IL4R: variants seen among roughly 807,000 people sequenced by gnomAD.
IL4R encodes the protein interleukin 4 receptor, also known as interleukin-4 receptor subunit alpha.
IL4R carries 17 observed loss-of-function variants against 41.5 expected under a neutral mutation model. The ratio of observed to expected loss-of-function variants is 0.41; its 90% CI spans 0.28 to 0.61. The LOEUF (loss-of-function observed/expected upper bound fraction) is 0.61, where lower values mean the gene tolerates loss of function less well. Among genes scored for constraint, IL4R ranks in the 20% least tolerant of loss-of-function variants. The pLI, the probability that IL4R is intolerant of heterozygous loss-of-function variation, is 0.31. For missense variants in IL4R, 974 were observed against 1,043.1 expected, an observed-to-expected ratio of 0.93 and a Z score of 0.91; for synonymous variants, 402 against 422.9, an observed-to-expected ratio of 0.95 and a Z score of 0.61.
intron 4 of IL4R, 149 bp downstream of exon 4, chr16:27,342,408 T>TAACA: frequency 1.1e-6 from 1 of 917,114 alleles, no homozygotes; most frequent in Non-Finnish European, 1.7e-6. Flanking sequence ...AGGTCCCATC[T>TAACA]CCAGGGACAT....
At chr16:27,322,627 T>A (rs2084846547) in intron 1 of IL4R, among the ~76,000 whole-genome samples, 1 of 152,114 alleles carries the variant, frequency 6.6e-6, no homozygotes, top group African/African-American at 2.4e-5. Context: ...GGAGAATCAC[T>A]TGAGACCAGG....
chr16:27,347,853 C>T (rs2085706344), intron 6 of IL4R, among the ~76,000 whole-genome samples: 1 of 152,280 alleles, frequency 6.6e-6, no homozygotes, highest in Non-Finnish European at 1.5e-5. Flanking sequence ...CACCCGCCCA[C>T]AGGGCTATGA....
intron 1 of IL4R, among the ~76,000 whole-genome samples, chr16:27,315,033 T>A (rs1340793811): frequency 2.0e-5 from 3 of 152,160 alleles, no homozygotes; most frequent in East Asian, 3.9e-4. Flanking sequence ...ACCACTAGTT[T>A]GTCTGCTTCT....
rs551050083 is a variant in IL4R, at chr16:27,364,141, G to A, written c.*311G>A. On this transcript the variant is annotated 3_prime_UTR_variant, in exon 11 of 11. Transcript: ENST00000395762. The stretch of plus-strand genomic sequence containing the variant: ...TCGACTTGTGAACGAGTTGTTGGCT[G>A]CTCCCTCCACAGCTTCTGCAGCAGA... 27 of 334,930 alleles carry A rather than the reference G, an allele frequency of 8.1e-5. 1 individual carries two copies. The South Asian group carries it at 1.6e-3, about 19-fold the overall frequency. 20.7% of individuals were successfully genotyped at this position (334,930 alleles called of 1,614,324 possible).
intron 1 of IL4R, among the ~76,000 whole-genome samples, chr16:27,328,420 T>A (rs928864594): frequency 6.6e-6 from 1 of 151,748 alleles, no homozygotes; most frequent in Non-Finnish European, 1.5e-5. Flanking sequence ...CCCGGCTAAT[T>A]TTTGTATTTT....
intron 1 of IL4R, chr16:27,315,443 C>G (rs2084614822): frequency 6.6e-6 from 1 of 152,474 alleles, no homozygotes. Context: ...TGCAGGAAGA[C>G]AGACGTGAGG....
chr16:27,344,905 G>A lies in IL4R; in HGVS notation c.246G>A (p.Ala82=), dbSNP rs755176173. Reference sequence around the variant, plus strand: ...GTATCCCTGAGAACAACGGAGGCGCGGGGTGCGTGTGCCACCTGCTCATGG... The same window carrying A: ...GTATCCCTGAGAACAACGGAGGCGCAGGGTGCGTGTGCCACCTGCTCATGG... ...HTCIPENNGG[A]GCVCHLLMDD... The change falls in exon 5 of 11, where the codon GCG becomes GCA. Residue 82 remains alanine, a synonymous_variant. Transcript: ENST00000395762. 72 of 1,614,062 alleles carry A rather than the reference G, an allele frequency of 4.5e-5. No homozygotes were observed. The highest frequency in any genetic ancestry group is 8.9e-5 in the East Asian group (4 of 44,906).
At chr16:27,351,128 A>G (rs3024599) in intron 6 of IL4R, among the ~76,000 whole-genome samples, 2,528 of 152,260 alleles carry the variant, frequency 0.017, 76 homozygotes, top group African/African-American at 0.057. Context: ...CTGAGGCTCA[A>G]TTGGGGAAGG....
At chr16:27,355,582 G>T in intron 7 of IL4R, 1 of 499,356 alleles carries the variant, frequency 2.0e-6, no homozygotes. Flanking sequence ...AGATCTGGAG[G>T]TGGCACTGAG....
chr16:27,353,519 AAAT>A (rs1271713946), intron 7 of IL4R, among the ~76,000 whole-genome samples: 2 of 152,188 alleles, frequency 1.3e-5, no homozygotes, highest in African/African-American at 4.8e-5. Context: ...AGATAAGCAT[AAAT>A]AATACTTTAT....
chr16:27,326,087 G>A (rs994992601), intron 1 of IL4R, among the ~76,000 whole-genome samples: 1 of 152,088 alleles, frequency 6.6e-6, no homozygotes, highest in Non-Finnish European at 1.5e-5. Context: ...GCAGCCTGGT[G>A]TGAGCCCTGG....
chr16:27,339,457 C>A (rs990530745), intron 2 of IL4R, among the ~76,000 whole-genome samples: 4 of 152,072 alleles, frequency 2.6e-5, no homozygotes, highest in South Asian at 2.1e-4. Flanking sequence ...TCATTTAATC[C>A]CCACAACACC....
intron 6 of IL4R, among the ~76,000 whole-genome samples, chr16:27,347,266 C>T (rs2085683461): frequency 6.6e-6 from 1 of 152,232 alleles, no homozygotes; most frequent in Non-Finnish European, 1.5e-5. Context: ...TCTTGGCTCA[C>T]TGCAACCTCC....
At chr16:27,318,092 C>CAGTTA (rs2084698866) in intron 1 of IL4R, among the ~76,000 whole-genome samples, 7 of 152,278 alleles carry the variant, frequency 4.6e-5, no homozygotes, top group African/African-American at 1.7e-4. Flanking sequence ...TCCACGATTT[C>CAGTTA]TGAAAACCGA....
Position 27,359,882 on chromosome 16 carries a change from C to A in IL4R, c.850-884C>A. On this transcript the variant is annotated intron_variant, in intron 9 of 10. Coordinates refer to ENST00000395762, the MANE Select transcript of IL4R (RefSeq NM_000418.4). ...TTACAACAACTTTATTTAGCTTATG[C>A]TTCTGCAGGCTGGCATTTGGGGCTG... 1.1e-5 allele frequency: 5 copies of A among 437,756 alleles called. No homozygotes were observed. The Middle Eastern group carries it at 1.9e-3, about 170-fold the overall frequency. The allele number at this position is 437,756 out of a possible 1,614,324, so 27.1% of individuals were successfully genotyped here.
chr16:27,344,908 G>T lies in IL4R; in HGVS notation c.249G>T (p.Gly83=). 6.2e-7 allele frequency: 1 copy of T among 1,614,230 alleles called. No individual in the cohort carries two copies. The highest frequency in any genetic ancestry group is 2.2e-5 in the East Asian group (1 of 44,894). ...TCIPENNGGA[G]CVCHLLMDDV... Reference sequence around the variant, plus strand: ...TCCCTGAGAACAACGGAGGCGCGGGGTGCGTGTGCCACCTGCTCATGGATG... The same window carrying T: ...TCCCTGAGAACAACGGAGGCGCGGGTTGCGTGTGCCACCTGCTCATGGATG... The change falls in exon 5 of 11, where the codon GGG becomes GGT. Residue 83 remains glycine, a synonymous_variant. Coordinates refer to ENST00000395762, the MANE Select transcript of IL4R (RefSeq NM_000418.4).
intron 7 of IL4R, among the ~76,000 whole-genome samples, chr16:27,353,555 A>G (rs553435042): frequency 2.6e-5 from 4 of 152,218 alleles, no homozygotes; most frequent in African/African-American, 7.2e-5. Context: ...GTGATGTGAT[A>G]TGAGAATAGC....
At chr16:27,344,364 C>CAAA (rs34638911) in intron 4 of IL4R, among the ~76,000 whole-genome samples, 128 of 112,912 alleles carry the variant, frequency 1.1e-3, no homozygotes, top group African/African-American at 3.9e-3. Flanking sequence ...TACAAATAAC[C>CAAA]AAAAAAAAAA....
intron 2 of IL4R, among the ~76,000 whole-genome samples, chr16:27,335,265 C>G (rs895501784): frequency 3.3e-5 from 5 of 152,084 alleles, no homozygotes; most frequent in Non-Finnish European, 4.4e-5. Flanking sequence ...TGTATTGTAA[C>G]GTTCATTGAT....
Sources: gnomAD v4.1 joint callset for allele counts (sites outside exome capture counted in the v4.1 genomes callset) on GRCh38, gnomAD v4.1.1 for gene constraint, MANE v1.5 for transcripts, NCBI Gene and HGNC (gene_info 2026-07-23, HGNC 2026-07-21) for gene names.